Variants in PKP2 observed in about 807,000 individuals in gnomAD.
PKP2 encodes plakophilin-2.
Under a neutral mutation model 83.4 loss-of-function variants are expected in PKP2, and 73 were observed. The observed-to-expected ratio is 0.88, with a 90% CI of 0.72 to 1.06. PKP2 has a LOEUF of 1.06. Ranked by LOEUF, PKP2 falls within the 50% of genes least tolerant of loss-of-function variation. The probability of loss-of-function intolerance (pLI) is 0.00; values close to 1 mark genes in which losing one functional copy is unlikely to be tolerated. For missense variants in PKP2, 966 were observed against 1,065.4 expected, an observed-to-expected ratio of 0.91 and a Z score of 1.30; for synonymous variants, 409 against 430.4, an observed-to-expected ratio of 0.95 and a Z score of 0.62.
intron 1 of PKP2, among the ~76,000 whole-genome samples, chr12:32,880,724 G>C (rs569721207): frequency 4.6e-5 from 7 of 152,182 alleles, no homozygotes; most frequent in South Asian, 2.1e-4. Flanking sequence ...GTCTGAGGAG[G>C]GGGGAGTGGT....
At position 32,869,943 on chromosome 12, in the gene PKP2, C is replaced by T. The variant is rs1024134146; in HGVS notation, c.1035-881G>A. The stretch of plus-strand genomic sequence containing the variant: ...ACTTGGAAGGCTGAGGTGGGAGGAT[C>T]GCTTGAGCTTGGGAGGTCAAGGCTG... On this transcript the variant is annotated intron_variant, in intron 3 of 12. Transcript: ENST00000340811. 5.3e-5 allele frequency among the ~76,000 whole-genome samples: 8 copies of T among 152,240 alleles called. No homozygotes were observed. The South Asian group carries it at 6.2e-4, about 12-fold the overall frequency.
rs1565579785 is a variant in PKP2, at chr12:32,819,298, C to CAATAAAATAAAATAA, written c.2013+2057_2013+2058insTTATTTTATTTTATT. Among the ~76,000 whole-genome samples the CAATAAAATAAAATAA allele has an allele frequency of 1.2e-4, 3 of 25,722 alleles. No homozygotes were observed. In the Non-Finnish European group the frequency reaches 1.3e-3, roughly 11 times the overall value. The allele number at this position is 25,722 out of a possible 152,430, so 16.9% of individuals were successfully genotyped here. On this transcript the variant is annotated intron_variant, in intron 9 of 12. Transcript: ENST00000340811. ...GCCTCAAAATAAATACAATACAATA[C>CAATAAAATAAAATAA]AATACAATACAATACAATAAAATAA...
chr12:32,877,896 TC>T lies in PKP2; in HGVS notation c.983del (p.Gly328GlufsTer24). 3 of 1,614,004 alleles carry T rather than the reference TC, an allele frequency of 1.9e-6. No homozygotes were observed. The highest frequency in any genetic ancestry group is 2.2e-5 in the South Asian group (2 of 91,070). On this transcript the variant is annotated frameshift_variant, in exon 3 of 13. Transcript: ENST00000340811. LOFTEE classifies it high-confidence loss of function. ...HLTVGQAAAG[G>X]SGNLLTERST... ...TTCTCTCAGTGAGCAGATTCCCACT[TC>T]CCCCTGCGGCCGCCTGGCCGACAGT... is the stretch of plus-strand genomic sequence containing the variant.
intron 10 of PKP2, among the ~76,000 whole-genome samples, 164 bp downstream of exon 10, chr12:32,802,239 C>T (rs1429057020): frequency 4.0e-5 from 6 of 151,870 alleles, no homozygotes; most frequent in Non-Finnish European, 8.8e-5. Flanking sequence ...ACTGAGAAAG[C>T]CTGTTTGTGA....
At chr12:32,848,739 A>T (rs2137855568) in intron 5 of PKP2, among the ~76,000 whole-genome samples, 1 of 152,274 alleles carries the variant, frequency 6.6e-6, no homozygotes, top group East Asian at 1.9e-4. Context: ...CCCAAACCTC[A>T]GCATCACACA....
At chr12:32,832,542 T>G (rs1956510007) in intron 6 of PKP2, among the ~76,000 whole-genome samples, 1 of 152,210 alleles carries the variant, frequency 6.6e-6, no homozygotes, top group Admixed American at 6.5e-5. Flanking sequence ...ATTGCTTATG[T>G]TTACACATGA....
At chr12:32,888,494 T>TA (rs1478981823) in intron 1 of PKP2, among the ~76,000 whole-genome samples, 1 of 144,590 alleles carries the variant, frequency 6.9e-6, no homozygotes, top group Non-Finnish European at 1.5e-5. Flanking sequence ...TTTCTTTTTC[T>TA]TTTTTTTTTT....
chr12:32,886,167 G>A (rs866217900), intron 1 of PKP2, among the ~76,000 whole-genome samples: 3 of 152,190 alleles, frequency 2.0e-5, no homozygotes, highest in South Asian at 4.1e-4. Flanking sequence ...GTGGATTCAC[G>A]ATGGTCTTTT....
rs902553958 is a variant in PKP2, at chr12:32,802,757, C to G, written c.2014-201G>C. Among the ~76,000 whole-genome samples, 3 of 152,110 alleles carry G rather than the reference C, an allele frequency of 2.0e-5. No homozygotes were observed. In the South Asian group the frequency reaches 6.2e-4, roughly 32 times the overall value. On this transcript the variant is annotated intron_variant, in intron 9 of 12. Coordinates refer to ENST00000340811, the MANE Select transcript of PKP2 (RefSeq NM_001005242.3). ...CACCACAACCTCCACCTCCCAGGTT[C>G]AAGTGATTCTCCTGCCTCAGCCTCC... is the stretch of plus-strand genomic sequence containing the variant.
At chr12:32,852,504 C>G (rs894018427) in intron 4 of PKP2, among the ~76,000 whole-genome samples, 3 of 152,156 alleles carry the variant, frequency 2.0e-5, no homozygotes, top group Admixed American at 6.5e-5. Context: ...CCACAGTCAT[C>G]ATAATAAAGC....
At chr12:32,878,625 A>G (rs1956958082) in intron 2 of PKP2, 82 bp from the exon 3 acceptor site, 4 of 1,098,270 alleles carry the variant, frequency 3.6e-6, no homozygotes, top group African/African-American at 1.6e-5. Flanking sequence ...TGGGACTATT[A>G]CCCAACATGT....
At chr12:32,816,929 T>C (rs1008904783) in intron 9 of PKP2, among the ~76,000 whole-genome samples, 7 of 152,184 alleles carry the variant, frequency 4.6e-5, no homozygotes, top group East Asian at 1.9e-4. Context: ...CCTTTTTAAA[T>C]GGGGTTATTT....
chr12:32,830,026 T>C (rs1956484008), intron 6 of PKP2, among the ~76,000 whole-genome samples: 3 of 152,188 alleles, frequency 2.0e-5, no homozygotes, highest in Admixed American at 2.0e-4. Flanking sequence ...TTTTAAAAAA[T>C]TATGCACGCA....
At chr12:32,879,124 A>G in intron 1 of PKP2, 92 bp from the exon 2 acceptor site, 1 of 763,522 alleles carries the variant, frequency 1.3e-6, no homozygotes, top group Admixed American at 1.9e-5. Context: ...AAACTTTTAA[A>G]TTTAAGTAAT....
intron 6 of PKP2, among the ~76,000 whole-genome samples, chr12:32,835,288 T>C (rs1444395874): frequency 6.6e-6 from 1 of 152,060 alleles, no homozygotes; most frequent in Non-Finnish European, 1.5e-5. Context: ...CTCCTGACTT[T>C]GTGATCCGCC....
chr12:32,874,980 C>T (rs1956920720), intron 3 of PKP2, among the ~76,000 whole-genome samples: 1 of 152,128 alleles, frequency 6.6e-6, no homozygotes, highest in South Asian at 2.1e-4. Flanking sequence ...AACTCCTGGG[C>T]TCAAGCGATC....
intron 10 of PKP2, among the ~76,000 whole-genome samples, chr12:32,796,957 A>C (rs533554536): frequency 5.3e-5 from 8 of 152,284 alleles, no homozygotes; most frequent in African/African-American, 1.7e-4. Context: ...AGAGATCTTT[A>C]TGACAGTACT....
chr12:32,850,699 G>A (rs1956687633), intron 5 of PKP2, 67 bp downstream of exon 5: 1 of 1,207,670 alleles, frequency 8.3e-7, no homozygotes, highest in Admixed American at 1.7e-5. Flanking sequence ...TTAAGAAAAA[G>A]AGATGATGTA....
At chr12:32,823,547 G>C (rs1428787310) in intron 7 of PKP2, among the ~76,000 whole-genome samples, 1 of 152,002 alleles carries the variant, frequency 6.6e-6, no homozygotes. Flanking sequence ...CACATAGTGT[G>C]GTTAGACAGA....
Sources: gnomAD v4.1 joint callset for allele counts (sites outside exome capture counted in the v4.1 genomes callset) on GRCh38, gnomAD v4.1.1 for gene constraint, MANE v1.5 for transcripts, NCBI Gene and HGNC (gene_info 2026-07-23, HGNC 2026-07-21) for gene names.